DOCK9: variants seen among roughly 807,000 people sequenced by gnomAD.
The protein encoded by DOCK9 is dedicator of cytokinesis protein 9.
A neutral mutation model predicts 263.3 loss-of-function variants in DOCK9; 89 were observed. That is an observed-to-expected ratio of 0.34 (90% CI 0.28 to 0.40). DOCK9 has a LOEUF of 0.40. Among genes scored for constraint, DOCK9 ranks in the 10% least tolerant of loss-of-function variants. The pLI, the probability that DOCK9 is intolerant of heterozygous loss-of-function variation, is 1.00. For missense variants in DOCK9, 2,140 were observed against 2,603.4 expected, an observed-to-expected ratio of 0.82 and a Z score of 3.87; for synonymous variants, 976 against 973.1, an observed-to-expected ratio of 1.00 and a Z score of -0.06.
intron 27 of DOCK9, among the ~76,000 whole-genome samples, 168 bp downstream of exon 27, chr13:98,879,730 T>C (rs1407729030): frequency 1.3e-5 from 2 of 152,200 alleles, no homozygotes; most frequent in East Asian, 3.9e-4. Context: ...GTAAGAACAG[T>C]ACTTTCCTCA....
chr13:98,932,305 G>T (rs2054079858), intron 2 of DOCK9, among the ~76,000 whole-genome samples: 1 of 152,152 alleles, frequency 6.6e-6, no homozygotes, highest in African/African-American at 2.4e-5. Flanking sequence ...TGATGGAGGA[G>T]AATCACTTGA....
intron 49 of DOCK9, among the ~76,000 whole-genome samples, chr13:98,801,823 C>T (rs1379122713): frequency 6.6e-6 from 1 of 152,218 alleles, no homozygotes; most frequent in Non-Finnish European, 1.5e-5. Context: ...CTGTGAAACA[C>T]AGAGTTCCGA....
chr13:98,806,624 T>C (rs1263844656), intron 48 of DOCK9, among the ~76,000 whole-genome samples: 1 of 152,150 alleles, frequency 6.6e-6, no homozygotes, highest in Non-Finnish European at 1.5e-5. Context: ...AAGTTATTAT[T>C]TGGGCCAGGC....
At chr13:98,951,642 G>C (rs1414071757) in intron 2 of DOCK9, among the ~76,000 whole-genome samples, 1 of 152,200 alleles carries the variant, frequency 6.6e-6, no homozygotes, top group Non-Finnish European at 1.5e-5. Flanking sequence ...TGAGACAGTG[G>C]GGGGAAAAGT....
At chr13:98,914,519 G>A in intron 8 of DOCK9, 124 bp from the exon 9 acceptor site, 1 of 759,008 alleles carries the variant, frequency 1.3e-6, no homozygotes, top group South Asian at 1.8e-5. Context: ...CACTCTGGAT[G>A]CTCCTGGGAA....
At chr13:99,025,968 A>C (rs117423458) in intron 1 of DOCK9, among the ~76,000 whole-genome samples, 184 of 152,326 alleles carry the variant, frequency 1.2e-3, no homozygotes, top group Non-Finnish European at 2.0e-3. Context: ...CACTGCTATG[A>C]AATGTCCAGA....
intron 1 of DOCK9, among the ~76,000 whole-genome samples, chr13:99,040,495 T>C (rs570586517): frequency 2.2e-4 from 34 of 152,302 alleles, no homozygotes; most frequent in African/African-American, 7.7e-4. Flanking sequence ...CAGAAATATA[T>C]AAATTTTAAA....
chr13:98,834,675 A>G (rs2141037143), intron 39 of DOCK9: 1 of 152,360 alleles, frequency 6.6e-6, no homozygotes, highest in South Asian at 2.1e-4. Flanking sequence ...AATAGACATT[A>G]GAAAAACCAG....
intron 39 of DOCK9, chr13:98,832,182 AG>A (rs1369156222): frequency 5.5e-6 from 1 of 181,760 alleles, no homozygotes; most frequent in Admixed American, 5.4e-5. Flanking sequence ...TACTCAAGTA[AG>A]GTATATGAAA....
intron 29 of DOCK9, 142 bp from the exon 30 acceptor site, chr13:98,867,678 G>T (rs2142077401): frequency 1.5e-6 from 1 of 676,956 alleles, no homozygotes; most frequent in Non-Finnish European, 2.5e-6. Context: ...GCACTGTACA[G>T]ATTTCAGGAT....
intron 1 of DOCK9, among the ~76,000 whole-genome samples, chr13:98,965,322 T>C (rs2059084607): frequency 6.6e-6 from 1 of 152,146 alleles, no homozygotes. Flanking sequence ...AGAATCCCAC[T>C]CTCATTCAGT....
chr13:99,031,373 C>G (rs1055245191), intron 1 of DOCK9, among the ~76,000 whole-genome samples: 2 of 152,206 alleles, frequency 1.3e-5, no homozygotes, highest in African/African-American at 4.8e-5. Context: ...CAGCTGGTAT[C>G]TGAAATATGA....
At chr13:98,992,534 C>T (rs953560805) in intron 1 of DOCK9, among the ~76,000 whole-genome samples, 10 of 152,204 alleles carry the variant, frequency 6.6e-5, no homozygotes, top group East Asian at 1.9e-4. Flanking sequence ...GGGAGAGATC[C>T]GGTGGGAAGT....
At chr13:98,939,559 G>A (rs888945394) in intron 2 of DOCK9, among the ~76,000 whole-genome samples, 14 of 152,182 alleles carry the variant, frequency 9.2e-5, no homozygotes, top group Non-Finnish European at 2.9e-5. Flanking sequence ...ATCTGCTGAA[G>A]GAAGGGCAAA....
At chr13:98,880,251 C>T (rs530252111) in intron 26 of DOCK9, among the ~76,000 whole-genome samples, 1 of 152,044 alleles carries the variant, frequency 6.6e-6, no homozygotes, top group African/African-American at 2.4e-5. Flanking sequence ...GTAGTCTTTC[C>T]CCTTCACTGC....
At chr13:98,838,119 G>A (rs1320751829) in intron 38 of DOCK9, among the ~76,000 whole-genome samples, 2 of 152,216 alleles carry the variant, frequency 1.3e-5, no homozygotes, top group Non-Finnish European at 2.9e-5. Flanking sequence ...AGCTTCCCAT[G>A]TAGACGGAGG....
intron 17 of DOCK9, 68 bp downstream of exon 17, chr13:98,888,292 G>C: frequency 1.2e-6 from 2 of 1,602,238 alleles, no homozygotes; most frequent in Non-Finnish European, 1.7e-6. Flanking sequence ...ATTTATAAAA[G>C]AACATGGGAC....
At chr13:98,893,864 G>A (rs1396658800) in intron 15 of DOCK9, among the ~76,000 whole-genome samples, 4 of 152,200 alleles carry the variant, frequency 2.6e-5, no homozygotes, top group Non-Finnish European at 4.4e-5. Flanking sequence ...TTATTGAGGA[G>A]CGTGGCCTCA....
At chr13:98,977,286 C>T (rs1034935297) in intron 1 of DOCK9, among the ~76,000 whole-genome samples, 1 of 152,186 alleles carries the variant, frequency 6.6e-6, no homozygotes, top group Non-Finnish European at 1.5e-5. Flanking sequence ...GGCAAACCTC[C>T]TGGTAAAATG....
Sources: gnomAD v4.1 joint callset for allele counts (sites outside exome capture counted in the v4.1 genomes callset) on GRCh38, gnomAD v4.1.1 for gene constraint, MANE v1.5 for transcripts, NCBI Gene and HGNC (gene_info 2026-07-23, HGNC 2026-07-21) for gene names.